CFAP251: variants seen among roughly 807,000 people sequenced by gnomAD.
The protein encoded by CFAP251 is cilia and flagella associated protein 251.
A neutral mutation model predicts 126.7 loss-of-function variants in CFAP251; 93 were observed. The ratio of observed to expected loss-of-function variants is 0.73; its 90% CI spans 0.62 to 0.87. The LOEUF is 0.87. CFAP251 is among the 40% of genes least tolerant of loss of function. The pLI, the probability that CFAP251 is intolerant of heterozygous loss-of-function variation, is 0.00. For missense variants in CFAP251, 1,287 were observed against 1,389.2 expected (o/e 0.93, Z 1.17); for synonymous variants, 503 against 506.9 (o/e 0.99, Z 0.10).
chr12:121,959,364 C>T, intron 13 of CFAP251: 1 of 335,582 alleles, frequency 3.0e-6, no homozygotes, highest in Non-Finnish European at 5.4e-6. Context: ...CCCCTGCGGG[C>T]CAGGAGTTTG....
chr12:121,988,545 G>C (rs1167381995), intron 19 of CFAP251, among the ~76,000 whole-genome samples: 1 of 152,122 alleles, frequency 6.6e-6, no homozygotes, highest in African/African-American at 2.4e-5. Flanking sequence ...CCAGGTTGTA[G>C]CTTGTCTCAG....
At chr12:121,986,350 C>T (rs998480421) in intron 19 of CFAP251, among the ~76,000 whole-genome samples, 3 of 148,442 alleles carry the variant, frequency 2.0e-5, no homozygotes, top group Non-Finnish European at 4.5e-5. Flanking sequence ...CAGGCTGCAG[C>T]GCAGTGGCAC....
chr12:121,968,444 T>C (rs1329896561), intron 17 of CFAP251, among the ~76,000 whole-genome samples: 1 of 152,096 alleles, frequency 6.6e-6, no homozygotes, highest in Non-Finnish European at 1.5e-5. Context: ...GCTCCACATA[T>C]CCACACCTGC....
At chr12:121,999,588 G>A (rs1016079064) in intron 19 of CFAP251, 128 bp from the exon 20 acceptor site, 19 of 664,854 alleles carry the variant, frequency 2.9e-5, no homozygotes, top group Admixed American at 1.8e-4. Context: ...CTTTGGCCAC[G>A]GCCTCCCAAA....
intron 17 of CFAP251, chr12:121,969,987 A>G (rs921320204): frequency 4.3e-5 from 42 of 981,856 alleles, no homozygotes; most frequent in Admixed American, 6.1e-5. Flanking sequence ...TGGTGACTTA[A>G]TATGATCAGC....
chr12:121,936,951 G>A (rs1880918502), intron 5 of CFAP251, among the ~76,000 whole-genome samples: 1 of 152,208 alleles, frequency 6.6e-6, no homozygotes, highest in Non-Finnish European at 1.5e-5. Flanking sequence ...GTGTGAGTGT[G>A]GGCTCTGGCG....
chr12:121,958,901 G>T, intron 12 of CFAP251, 42 bp from the exon 13 acceptor site: 1 of 1,542,888 alleles, frequency 6.5e-7, no homozygotes, highest in African/African-American at 1.4e-5. Context: ...TCTCTTGAAT[G>T]AATGTAATCC....
At chr12:121,935,422 C>T (rs1319348272) in intron 5 of CFAP251, among the ~76,000 whole-genome samples, 2 of 152,234 alleles carry the variant, frequency 1.3e-5, no homozygotes, top group Non-Finnish European at 2.9e-5. Flanking sequence ...AATTCATGAA[C>T]CAATATTGAC....
chr12:121,932,099 A>G (rs1451422578), intron 4 of CFAP251: 1 of 377,934 alleles, frequency 2.6e-6, no homozygotes, highest in Non-Finnish European at 4.5e-6. Flanking sequence ...AGCAGTTGAT[A>G]TTAATTTTAT....
chr12:121,943,474 G>A (rs903102129), intron 7 of CFAP251, among the ~76,000 whole-genome samples: 22 of 152,144 alleles, frequency 1.4e-4, no homozygotes, highest in African/African-American at 5.1e-4. Flanking sequence ...GGAGTCTGGA[G>A]TGCAATGGCA....
chr12:121,952,240 T>TAAAAAAAAAAAAAAAAAA lies in CFAP251; in HGVS notation c.1320+724_1320+741dup, dbSNP rs558861973. 4.3e-4 allele frequency among the ~76,000 whole-genome samples: 40 copies of TAAAAAAAAAAAAAAAAAA among 92,074 alleles called. 1 individual carries two copies. Among genetic ancestry groups the TAAAAAAAAAAAAAAAAAA allele is most frequent in the Non-Finnish European group, 6.3e-4 (34 of 53,852 alleles). The allele number at this position is 92,074 out of a possible 152,430, so 60.4% of individuals were successfully genotyped here. Reference sequence around the variant, plus strand: ...AACACAGGCTAGACTTCGTTTCTACTAAAAAAAAAAAAAAAAAAAAAAAAA... The same window carrying TAAAAAAAAAAAAAAAAAA: ...AACACAGGCTAGACTTCGTTTCTACTAAAAAAAAAAAAAAAAAAAAAAAAAAAAAAAAAAAAAAAAAAA... On this transcript the variant is annotated intron_variant, in intron 9 of 21. Transcript: ENST00000288912.
At chr12:121,976,983 C>T (rs1882476265) in intron 19 of CFAP251, among the ~76,000 whole-genome samples, 1 of 152,210 alleles carries the variant, frequency 6.6e-6, no homozygotes, top group Non-Finnish European at 1.5e-5. Context: ...CTGTTTTATA[C>T]ATATTTATAT....
At position 121,999,806 on chromosome 12, in the gene CFAP251, G is replaced by C. The variant is rs1443560435; in HGVS notation, c.3097G>C (p.Val1033Leu). ...DKINLPDFLK[V>L]YLNHKPPFGN... ...GATCAACTTACCAGATTTCCTAAAA[G>C]TGTACCTTAACCACAAGCCACCTTT... is the stretch of plus-strand genomic sequence containing the variant. Residue 1033 changes from valine to leucine, a missense_variant, in exon 20 of 22, where the codon GTG becomes CTG. Physicochemically the swap from Val to Leu is conservative, Grantham distance 32. Transcript: ENST00000288912. 6.2e-7 allele frequency: 1 copy of C among 1,614,130 alleles called. No individual in the cohort carries two copies. Among genetic ancestry groups the C allele is most frequent in the Non-Finnish European group, 8.5e-7 (1 of 1,180,012 alleles).
At chr12:121,949,561 T>C (rs1340940641) in intron 8 of CFAP251, 2 of 150,262 alleles carry the variant, frequency 1.3e-5, no homozygotes, top group Non-Finnish European at 2.9e-5. Flanking sequence ...GTGATACATA[T>C]ACTGACACAG....
chr12:121,936,739 G>T (rs927090321), intron 5 of CFAP251, among the ~76,000 whole-genome samples: 3 of 152,144 alleles, frequency 2.0e-5, no homozygotes, highest in African/African-American at 4.8e-5. Context: ...TCAGGGAGGG[G>T]CCTGGTTGGG....
rs558861973 is a variant in CFAP251, at chr12:121,952,240, TA to T, written c.1320+741del. Among the ~76,000 whole-genome samples, 446 of 91,960 alleles carry T rather than the reference TA, an allele frequency of 4.8e-3. 4 individuals are homozygous for T. The highest frequency in any genetic ancestry group is 0.022 in the African/African-American group (357 of 16,162). 60.3% of individuals were successfully genotyped at this position (91,960 alleles called of 152,430 possible). A position where few individuals can be genotyped will look rare whatever the true frequency, so the allele number is the denominator to read the frequency against. ...AACACAGGCTAGACTTCGTTTCTAC[TA>T]AAAAAAAAAAAAAAAAAAAAAAAAA... On this transcript the variant is annotated intron_variant, in intron 9 of 21. Coordinates refer to ENST00000288912, the MANE Select transcript of CFAP251 (RefSeq NM_144668.6).
At chr12:121,951,423 G>A (rs960811235) in intron 8 of CFAP251, 57 bp from the exon 9 acceptor site, 53 of 1,248,292 alleles carry the variant, frequency 4.2e-5, no homozygotes, top group Middle Eastern at 2.0e-4. Flanking sequence ...TATTAATGCC[G>A]TTCTTCCTTT....
intron 17 of CFAP251, among the ~76,000 whole-genome samples, chr12:121,971,074 G>A (rs1882315019): frequency 6.6e-6 from 1 of 152,218 alleles, no homozygotes; most frequent in Non-Finnish European, 1.5e-5. Flanking sequence ...TTTCCCCTCA[G>A]GGGCTCCTGC....
chr12:121,923,315 G>T (rs886790873), intron 2 of CFAP251, among the ~76,000 whole-genome samples: 2 of 151,994 alleles, frequency 1.3e-5, no homozygotes, highest in Non-Finnish European at 2.9e-5. Context: ...GTACCACCAC[G>T]CCCAGCTAAT....
Sources: allele counts gnomAD v4.1 joint callset (sites outside exome capture counted in the v4.1 genomes callset), GRCh38; gene constraint gnomAD v4.1.1; transcripts MANE v1.5; gene names NCBI Gene and HGNC (gene_info 2026-07-23, HGNC 2026-07-21).